TBC1D19: variants seen among roughly 807,000 people sequenced by gnomAD.
The protein encoded by TBC1D19 is TBC1 domain family, member 19.
In TBC1D19, 60 loss-of-function variants were observed where a neutral mutation model predicts 89.0. The ratio of observed to expected loss-of-function variants is 0.67; its 90% confidence interval spans 0.55 to 0.84. TBC1D19 has a LOEUF of 0.84. TBC1D19 is among the 40% of genes least tolerant of loss of function. The pLI is 0.00. For missense variants in TBC1D19, 500 were observed against 610.8 expected (o/e 0.82, Z 1.91); for synonymous variants, 189 against 199.7 (o/e 0.95, Z 0.45).
intron 7 of TBC1D19, among the ~76,000 whole-genome samples, chr4:26,655,125 G>C (rs1487335889): frequency 6.6e-6 from 1 of 152,198 alleles, no homozygotes; most frequent in Admixed American, 6.5e-5. Flanking sequence ...GTTGGAGTTT[G>C]CTGGAGGTCC....
At chr4:26,630,048 TG>T (rs1463057054) in intron 4 of TBC1D19, among the ~76,000 whole-genome samples, 9 of 151,876 alleles carry the variant, frequency 5.9e-5, no homozygotes, top group Admixed American at 1.3e-4. Context: ...ATAATTTCAT[TG>T]TTTTTTTTAC....
the TBC1D19 span, among the ~76,000 whole-genome samples, chr4:26,812,610 G>A: frequency 6.6e-6 from 1 of 152,108 alleles, no homozygotes; most frequent in African/African-American, 2.4e-5. The surrounding 1 kb of genome is among the most constrained non-coding windows in gnomAD (Gnocchi z 4.2). Flanking sequence ...GTAACTACCA[G>A]TGTGCTTACT....
At chr4:26,691,008 G>T (rs1288560210) in intron 13 of TBC1D19, among the ~76,000 whole-genome samples, 2 of 152,222 alleles carry the variant, frequency 1.3e-5, no homozygotes, top group Non-Finnish European at 2.9e-5. Context: ...TGATTCATGA[G>T]AGGAGGTCAA....
intron 15 of TBC1D19, among the ~76,000 whole-genome samples, chr4:26,732,985 G>A (rs898748784): frequency 6.6e-6 from 1 of 152,166 alleles, no homozygotes; most frequent in South Asian, 2.1e-4. Context: ...AGGAAATTTT[G>A]AAAGAATGGG....
chr4:26,775,697 C>T, the TBC1D19 span, among the ~76,000 whole-genome samples: 2 of 152,136 alleles, frequency 1.3e-5, no homozygotes, highest in African/African-American at 4.8e-5. Context: ...TTATAAATTA[C>T]CCAGTCTCAG....
chr4:26,752,962 A>G (rs1263970342), intron 19 of TBC1D19, among the ~76,000 whole-genome samples: 1 of 151,984 alleles, frequency 6.6e-6, no homozygotes, highest in Non-Finnish European at 1.5e-5. Context: ...CTTGGCCTCC[A>G]GTGTTGTTTT....
chr4:26,692,942 C>G (rs769291238), intron 13 of TBC1D19, among the ~76,000 whole-genome samples: 1 of 152,020 alleles, frequency 6.6e-6, no homozygotes, highest in African/African-American at 2.4e-5. Flanking sequence ...AAGCTTAACA[C>G]AGAGATCAGG....
At chr4:26,850,540 CAAAAAA>C in the TBC1D19 span, among the ~76,000 whole-genome samples, 1,549 of 90,368 alleles carry the variant, frequency 0.017, 31 homozygotes, top group Admixed American at 0.039. Context: ...GACCCTGTCT[CAAAAAA>C]AAAAAAAAAA....
At chr4:26,799,877 G>A in the TBC1D19 span, among the ~76,000 whole-genome samples, 295 of 152,290 alleles carry the variant, frequency 1.9e-3, 1 homozygote, top group African/African-American at 6.9e-3. Context: ...ACTAGCTTGG[G>A]GAGCAGGGGA....
At chr4:26,660,029 A>G (rs1321281550) in intron 8 of TBC1D19, among the ~76,000 whole-genome samples, 1 of 152,190 alleles carries the variant, frequency 6.6e-6, no homozygotes, top group East Asian at 1.9e-4. Flanking sequence ...TGTGAGTTTT[A>G]TAAGATTATT....
chr4:26,655,832 T>A (rs1196984923), intron 7 of TBC1D19, among the ~76,000 whole-genome samples: 1 of 152,246 alleles, frequency 6.6e-6, no homozygotes, highest in South Asian at 2.1e-4. Flanking sequence ...CGTGAGGCAA[T>A]GCCTCGCCCT....
At chr4:26,668,460 A>G (rs1007844628) in intron 9 of TBC1D19, among the ~76,000 whole-genome samples, 4 of 152,146 alleles carry the variant, frequency 2.6e-5, no homozygotes, top group African/African-American at 9.6e-5. Flanking sequence ...AGAGATATAC[A>G]TAGAATACAT....
At chr4:26,638,350 G>T (rs1023465616) in intron 5 of TBC1D19, among the ~76,000 whole-genome samples, 18 of 148,664 alleles carry the variant, frequency 1.2e-4, no homozygotes, top group Non-Finnish European at 2.5e-4. Context: ...GTCTAAATAT[G>T]TAGTATTGTA....
At chr4:26,659,321 A>G (rs1439836091) in intron 7 of TBC1D19, among the ~76,000 whole-genome samples, 7 of 152,134 alleles carry the variant, frequency 4.6e-5, no homozygotes, top group Non-Finnish European at 1.0e-4. Context: ...TAACCACCAA[A>G]AAGTTTTTAT....
the TBC1D19 span, among the ~76,000 whole-genome samples, chr4:26,770,760 A>G: frequency 3.3e-5 from 5 of 152,266 alleles, no homozygotes; most frequent in Non-Finnish European, 5.9e-5. Context: ...TTCAAGCCAT[A>G]TAAAGTATGT....
chr4:26,590,796 G>GTTTTTT (rs869124166), intron 1 of TBC1D19, among the ~76,000 whole-genome samples: 1,019 of 52,848 alleles, frequency 0.019, 165 homozygotes, highest in East Asian at 0.047. Context: ...TTGCAGGTCT[G>GTTTTTT]TTTTTTTTTT....
At chr4:26,698,966 G>A (rs552662728) in intron 13 of TBC1D19, among the ~76,000 whole-genome samples, 256 of 152,316 alleles carry the variant, frequency 1.7e-3, no homozygotes, top group African/African-American at 6.0e-3. Context: ...AGGACTTCAT[G>A]TCTAAAACGC....
chr4:26,851,303 C>CCCTA, the TBC1D19 span, among the ~76,000 whole-genome samples: 437 of 70,502 alleles, frequency 6.2e-3, 2 homozygotes, highest in African/African-American at 0.03. Context: ...CTAATAAATA[C>CCCTA]CCTATCTATC....
At chr4:26,732,828 G>T (rs988855301) in intron 15 of TBC1D19, among the ~76,000 whole-genome samples, 4 of 152,108 alleles carry the variant, frequency 2.6e-5, no homozygotes, top group African/African-American at 7.2e-5. Flanking sequence ...GGGTGAAAAA[G>T]AAAAAGGATA....
Sources: allele counts gnomAD v4.1 joint callset (sites outside exome capture counted in the v4.1 genomes callset), GRCh38; gene constraint gnomAD v4.1.1; non-coding constraint Gnocchi (gnomAD v3.1); transcripts MANE v1.5; gene names NCBI Gene and HGNC (gene_info 2026-07-23, HGNC 2026-07-21).